The following CDH12 variants were observed in gnomAD, a reference collection of about 807,000 sequenced individuals.
CDH12 encodes the protein cadherin 12.
In CDH12, 41 loss-of-function variants were observed where a neutral mutation model predicts 74.1. That is an observed-to-expected ratio of 0.55 (90% CI 0.43 to 0.72). The LOEUF (loss-of-function observed/expected upper bound fraction) is 0.72. Ranked by LOEUF, CDH12 falls within the 30% of genes least tolerant of loss-of-function variation. The pLI, the probability that CDH12 is intolerant of heterozygous loss-of-function variation, is 0.00. For synonymous variants in CDH12, 399 were observed against 355.0 expected (o/e 1.12, Z -1.39); for missense variants, 945 against 977.2 (o/e 0.97, Z 0.44).
At chr5:22,674,300 T>C (rs1371641616) in intron 1 of CDH12, among the ~76,000 whole-genome samples, 3 of 152,140 alleles carry the variant, frequency 2.0e-5, no homozygotes, top group Non-Finnish European at 4.4e-5. Context: ...GAATAAGTCT[T>C]GGGAGATCTG....
intron 1 of CDH12, among the ~76,000 whole-genome samples, chr5:22,678,681 G>A (rs1741338143): frequency 6.6e-6 from 1 of 152,008 alleles, no homozygotes; most frequent in Admixed American, 6.6e-5. Context: ...TTCTTGTACA[G>A]CATTTGAACT....
chr5:22,426,384 A>T (rs116359272), intron 2 of CDH12, among the ~76,000 whole-genome samples: 1,770 of 151,968 alleles, frequency 0.012, 18 homozygotes, highest in Non-Finnish European at 0.018. Flanking sequence ...GAATTTCCAT[A>T]AACTACACAT....
chr5:22,809,233 A>G (rs1362741958), intron 1 of CDH12, among the ~76,000 whole-genome samples: 2 of 152,082 alleles, frequency 1.3e-5, no homozygotes, highest in Non-Finnish European at 2.9e-5. Context: ...TAAGGCATAT[A>G]AATTGTCAGT....
intron 3 of CDH12, among the ~76,000 whole-genome samples, chr5:22,382,835 A>G (rs1741826666): frequency 6.6e-6 from 1 of 151,760 alleles, no homozygotes; most frequent in Non-Finnish European, 1.5e-5. Context: ...TATTATTATT[A>G]TTATTATTTT....
chr5:21,965,817 T>C (rs1440880146), intron 6 of CDH12, among the ~76,000 whole-genome samples: 2 of 152,178 alleles, frequency 1.3e-5, no homozygotes, highest in African/African-American at 2.4e-5. Context: ...ATATGAATCC[T>C]GAGAATGAAG....
At chr5:22,301,577 A>T (rs1187381921) in intron 3 of CDH12, among the ~76,000 whole-genome samples, 1 of 152,204 alleles carries the variant, frequency 6.6e-6, no homozygotes, top group Middle Eastern at 3.2e-3. Flanking sequence ...TCCCAATTTT[A>T]TAATAATGGA....
intron 1 of CDH12, among the ~76,000 whole-genome samples, chr5:22,564,509 T>C (rs1739202845): frequency 6.6e-6 from 1 of 152,228 alleles, no homozygotes; most frequent in South Asian, 2.1e-4. Flanking sequence ...TTGTAATAAT[T>C]GTAATATTTT....
At position 22,576,680 on chromosome 5, in the gene CDH12, GA is replaced by G. The variant is rs879683043; in HGVS notation, c.-522-71317del. On this transcript the variant is annotated intron_variant, in intron 1 of 14. Coordinates refer to ENST00000382254, the MANE Select transcript of CDH12 (RefSeq NM_004061.5). Reference sequence around the variant, plus strand: ...TGCAGGTATGCTACTGGGGAGGGCAGAAAAAAATCCTATGTAGATCTCCAAG... The same window carrying G: ...TGCAGGTATGCTACTGGGGAGGGCAGAAAAAATCCTATGTAGATCTCCAAG... Among the ~76,000 whole-genome samples the G allele has an allele frequency of 9.2e-4, 140 of 152,086 alleles. 2 individuals are homozygous for G. The Middle Eastern group carries it at 0.01, about 11-fold the overall frequency.
intron 1 of CDH12, among the ~76,000 whole-genome samples, chr5:22,817,300 T>C (rs1344068000): frequency 6.6e-6 from 1 of 152,102 alleles, no homozygotes; most frequent in Non-Finnish European, 1.5e-5. Flanking sequence ...GTTTCTCACA[T>C]TATTTACTAC....
At chr5:22,670,082 T>G (rs952543198) in intron 1 of CDH12, among the ~76,000 whole-genome samples, 4 of 152,152 alleles carry the variant, frequency 2.6e-5, no homozygotes, top group African/African-American at 9.6e-5. Context: ...AAGGAGACAT[T>G]GGTGGGTGGC....
Position 22,627,525 on chromosome 5 carries a change from C to A in CDH12, c.-522-122161G>T, listed in dbSNP as rs951960925. 5.3e-5 allele frequency among the ~76,000 whole-genome samples: 8 copies of A among 151,796 alleles called. No individual in the cohort carries two copies. In the East Asian group the frequency reaches 1.4e-3, roughly 26 times the overall value. ...TTATAAATGAAATAGAAATAAGATC[C>A]TTTACAGACAAGCAAATGTTAGGAG... On this transcript the variant is annotated intron_variant, in intron 1 of 14. Transcript: ENST00000382254.
intron 1 of CDH12, among the ~76,000 whole-genome samples, chr5:22,846,949 AC>A (rs11352791): frequency 0.65 from 99,204 of 151,908 alleles, 32,911 homozygotes; most frequent in Admixed American, 0.71. Flanking sequence ...TTTTTTTAAT[AC>A]CGTTGTTAAA....
intron 1 of CDH12, among the ~76,000 whole-genome samples, chr5:22,719,480 T>A (rs192114223): frequency 7.2e-5 from 11 of 152,246 alleles, no homozygotes; most frequent in African/African-American, 2.6e-4. Context: ...GTTAATGTGG[T>A]CATGAGGACG....
At chr5:22,074,771 C>T (rs531858128) in intron 5 of CDH12, among the ~76,000 whole-genome samples, 350 of 152,252 alleles carry the variant, frequency 2.3e-3, no homozygotes, top group African/African-American at 7.7e-3. Context: ...TACCATCTCA[C>T]ACCAGTTAGA....
At chr5:22,494,855 T>C (rs1048832615) in intron 2 of CDH12, among the ~76,000 whole-genome samples, 3 of 152,182 alleles carry the variant, frequency 2.0e-5, no homozygotes, top group African/African-American at 7.2e-5. Context: ...GTGATGAGGC[T>C]GGAGAATTCA....
In CDH12 at chr5:22,794,952, C is replaced by CAT. The variant is rs752321372; in HGVS notation, c.-523+58104_-523+58105dup. On this transcript the variant is annotated intron_variant, in intron 1 of 14. Coordinates refer to ENST00000382254, the MANE Select transcript of CDH12 (RefSeq NM_004061.5). Reference sequence around the variant, plus strand: ...TTTGATGTTATATATATACATATGTCATATATATATATATGTCAATATCTG... The same window carrying CAT: ...TTTGATGTTATATATATACATATGTCATATATATATATATATGTCAATATCTG... Among the ~76,000 whole-genome samples the CAT allele has an allele frequency of 1.7e-3, 254 of 150,548 alleles. 2 individuals carry two copies. Among genetic ancestry groups the CAT allele is most frequent in the African/African-American group, 1.9e-3 (80 of 41,122 alleles).
At chr5:21,832,684 CTTA>C (rs1279400965) in intron 8 of CDH12, among the ~76,000 whole-genome samples, 3 of 146,562 alleles carry the variant, frequency 2.0e-5, no homozygotes, top group Non-Finnish European at 4.5e-5. Context: ...ACACAATTAA[CTTA>C]TTAACTTATT....
At chr5:22,028,364 A>G (rs1738536610) in intron 5 of CDH12, among the ~76,000 whole-genome samples, 1 of 152,098 alleles carries the variant, frequency 6.6e-6, no homozygotes, top group Admixed American at 6.6e-5. Context: ...AGAAAACCCC[A>G]TTGTCTCAGC....
chr5:22,445,416 T>C (rs1042133155), intron 2 of CDH12, among the ~76,000 whole-genome samples: 1 of 152,014 alleles, frequency 6.6e-6, no homozygotes, highest in East Asian at 1.9e-4. Context: ...AGTAAACCTG[T>C]TTTGTGTATT....
Sources: allele counts gnomAD v4.1 joint callset (sites outside exome capture counted in the v4.1 genomes callset), GRCh38; gene constraint gnomAD v4.1.1; transcripts MANE v1.5; gene names NCBI Gene and HGNC (gene_info 2026-07-23, HGNC 2026-07-21).